EVA1C: variants seen among roughly 807,000 people sequenced by gnomAD.
EVA1C encodes protein eva-1 homolog C.
A neutral mutation model predicts 45.4 loss-of-function variants in EVA1C; 25 were observed. The observed-to-expected ratio is 0.55, with a 90% confidence interval of 0.40 to 0.77. EVA1C has a LOEUF of 0.77. Ranked by LOEUF, EVA1C falls within the 30% of genes least tolerant of loss-of-function variation. The pLI is 0.00. For missense variants in EVA1C, 479 were observed against 554.8 expected, an observed-to-expected ratio of 0.86 and a Z score of 1.37; for synonymous variants, 190 against 221.2, an observed-to-expected ratio of 0.86 and a Z score of 1.25.
In EVA1C at chr21:32,507,408, ATG is replaced by A. The variant is rs55753869; in HGVS notation, c.949+3401_949+3402del. On this transcript the variant is annotated intron_variant, in intron 7 of 7. Coordinates refer to ENST00000300255, the MANE Select transcript of EVA1C (RefSeq NM_058187.5). Reference sequence around the variant, plus strand: ...TGCATGTGCGTCTGTGAGCATGTGCATGTGTGTGTATGTGTGCACGTGTGTGT... The same window carrying A: ...TGCATGTGCGTCTGTGAGCATGTGCATGTGTGTATGTGTGCACGTGTGTGT... Among the ~76,000 whole-genome samples the A allele has an allele frequency of 4.4e-3, 651 of 149,532 alleles. 2 individuals carry two copies. The highest frequency in any genetic ancestry group is 7.2e-3 in the Non-Finnish European group (482 of 66,858).
chr21:32,453,567 T>C, intron 2 of EVA1C, 59 bp downstream of exon 2: 1 of 1,214,190 alleles, frequency 8.2e-7, no homozygotes. Flanking sequence ...TCTTTCTCTC[T>C]CTCTGGGTAT....
chr21:32,427,462 C>T (rs544467755), intron 1 of EVA1C, among the ~76,000 whole-genome samples: 2 of 152,204 alleles, frequency 1.3e-5, no homozygotes, highest in Admixed American at 1.3e-4. Context: ...TGCTTGTAAT[C>T]CCAGCACTTT....
chr21:32,462,016 C>T (rs549263935), intron 3 of EVA1C, among the ~76,000 whole-genome samples: 21 of 152,168 alleles, frequency 1.4e-4, no homozygotes, highest in South Asian at 8.3e-4. Flanking sequence ...GTATGTAACA[C>T]GCTAGCACAG....
intron 7 of EVA1C, among the ~76,000 whole-genome samples, chr21:32,508,030 C>T (rs4816437): frequency 0.57 from 86,165 of 151,590 alleles, 26,663 homozygotes; most frequent in African/African-American, 0.82. Context: ...TGTGCATGCA[C>T]ATGTGCGTGT....
intron 1 of EVA1C, among the ~76,000 whole-genome samples, chr21:32,429,616 A>G (rs1332983809): frequency 6.6e-6 from 1 of 152,174 alleles, no homozygotes; most frequent in Admixed American, 6.5e-5. Flanking sequence ...GGCCTCCCAA[A>G]ATGCTGAGAT....
Position 32,465,456 on chromosome 21 carries a change from C to G in EVA1C, c.482-2240C>G, listed in dbSNP as rs189285818. Among the ~76,000 whole-genome samples the G allele has an allele frequency of 2.1e-3, 327 of 152,286 alleles. 5 individuals are homozygous for G. Among genetic ancestry groups the G allele is most frequent in the East Asian group, 7.7e-4 (4 of 5,186 alleles). The stretch of plus-strand genomic sequence containing the variant: ...ATGCTTGTTTGGCTGAAAAATGCAC[C>G]TGTCCGCTATGTGGTTGCCATTTCA... On this transcript the variant is annotated intron_variant, in intron 3 of 7. Coordinates refer to ENST00000300255, the MANE Select transcript of EVA1C (RefSeq NM_058187.5).
intron 7 of EVA1C, among the ~76,000 whole-genome samples, 167 bp from the exon 8 acceptor site, chr21:32,514,647 A>T (rs541429468): frequency 6.6e-6 from 1 of 152,282 alleles, no homozygotes; most frequent in East Asian, 1.9e-4. Flanking sequence ...TTGAAAAAAA[A>T]TGTCAGTGGG....
intron 1 of EVA1C, among the ~76,000 whole-genome samples, chr21:32,436,361 C>T (rs2034952130): frequency 1.3e-5 from 2 of 152,230 alleles, no homozygotes; most frequent in South Asian, 4.1e-4. Flanking sequence ...CACACCTGGC[C>T]ATTCAATTGT....
chr21:32,510,255 A>G (rs1196005227), intron 7 of EVA1C, among the ~76,000 whole-genome samples: 3 of 151,838 alleles, frequency 2.0e-5, no homozygotes, highest in African/African-American at 4.8e-5. Context: ...GGGTTTCATC[A>G]TGTTGGCCAG....
intron 1 of EVA1C, among the ~76,000 whole-genome samples, chr21:32,437,969 G>C (rs1030995973): frequency 2.0e-5 from 3 of 152,126 alleles, no homozygotes; most frequent in Non-Finnish European, 4.4e-5. Context: ...AAATAACACC[G>C]CACGGCCCCC....
chr21:32,415,106 A>T (rs1330347320), intron 1 of EVA1C, among the ~76,000 whole-genome samples: 1 of 152,122 alleles, frequency 6.6e-6, no homozygotes, highest in African/African-American at 2.4e-5. Context: ...GTTTCAGCTG[A>T]CGCGAACCCC....
At chr21:32,450,714 A>T (rs2035549242) in intron 1 of EVA1C, among the ~76,000 whole-genome samples, 2 of 151,866 alleles carry the variant, frequency 1.3e-5, no homozygotes, top group Non-Finnish European at 2.9e-5. Flanking sequence ...TTCAGTACTC[A>T]TTGTTTTATG....
intron 5 of EVA1C, 123 bp downstream of exon 5, chr21:32,495,293 G>C: frequency 3.2e-6 from 3 of 950,988 alleles, no homozygotes; most frequent in Non-Finnish European, 4.6e-6. Context: ...GAAGCTGTTT[G>C]GTCATCCCAG....
chr21:32,431,284 C>A (rs1289960884), intron 1 of EVA1C, among the ~76,000 whole-genome samples: 11 of 152,222 alleles, frequency 7.2e-5, no homozygotes, highest in Non-Finnish European at 1.2e-4. Flanking sequence ...AGTGGAAGGA[C>A]CAAGACTGGA....
At chr21:32,466,990 A>G (rs2036199103) in intron 3 of EVA1C, among the ~76,000 whole-genome samples, 1 of 152,076 alleles carries the variant, frequency 6.6e-6, no homozygotes, top group Non-Finnish European at 1.5e-5. Flanking sequence ...AAACAAATAA[A>G]TGTAAGCCAG....
intron 7 of EVA1C, among the ~76,000 whole-genome samples, chr21:32,506,463 A>G (rs1314561552): frequency 6.6e-6 from 1 of 151,730 alleles, no homozygotes; most frequent in Non-Finnish European, 1.5e-5. Flanking sequence ...ATCTTAGCAA[A>G]CCATGACCAC....
intron 7 of EVA1C, among the ~76,000 whole-genome samples, chr21:32,506,246 T>C (rs115189072): frequency 0.02 from 2,875 of 147,274 alleles, 114 homozygotes; most frequent in African/African-American, 0.069. Flanking sequence ...GGTATCCCTG[T>C]ATCTAGGATG....
At chr21:32,462,252 G>A (rs2036025892) in intron 3 of EVA1C, among the ~76,000 whole-genome samples, 2 of 151,670 alleles carry the variant, frequency 1.3e-5, no homozygotes, top group African/African-American at 4.8e-5. Context: ...CAATTAGCAG[G>A]GCATCATGGC....
intron 4 of EVA1C, among the ~76,000 whole-genome samples, chr21:32,489,001 T>A (rs1321567716): frequency 1.3e-5 from 2 of 152,274 alleles, no homozygotes; most frequent in African/African-American, 4.8e-5. Flanking sequence ...TATATTTGAA[T>A]ATTAACCCCT....
Sources: allele counts gnomAD v4.1 joint callset (sites outside exome capture counted in the v4.1 genomes callset), GRCh38; gene constraint gnomAD v4.1.1; transcripts MANE v1.5; gene names NCBI Gene and HGNC (gene_info 2026-07-23, HGNC 2026-07-21).